The following NXPE4 variants were observed in gnomAD, a reference collection of about 807,000 sequenced individuals.
NXPE4 encodes NXPE family member 4.
In NXPE4, 42 loss-of-function variants were observed where a neutral mutation model predicts 33.3. The observed-to-expected ratio is 1.26, with a 90% CI of 0.98 to 1.63. The LOEUF (loss-of-function observed/expected upper bound fraction) is 1.63. NXPE4 is among the 40% of genes most tolerant of loss of function. The pLI is 0.00. For missense variants in NXPE4, 709 were observed against 647.6 expected (o/e 1.09, Z -1.03); for synonymous variants, 253 against 234.9 (o/e 1.08, Z -0.71).
At chr11:114,666,703 T>C in the NXPE4 span, among the ~76,000 whole-genome samples, 2 of 152,118 alleles carry the variant, frequency 1.3e-5, no homozygotes, top group African/African-American at 4.8e-5. Context: ...AAAGAGGTAT[T>C]AGGGTCTCAA....
At position 114,583,391 on chromosome 11, in the gene NXPE4, T is replaced by A. The variant is rs1459347961; in HGVS notation, c.97-370A>T. 2.5e-5 allele frequency: 16 copies of A among 627,896 alleles called. No homozygotes were observed. In the East Asian group the frequency reaches 6.1e-4, roughly 24 times the overall value. 38.9% of individuals were successfully genotyped at this position (627,896 alleles called of 1,614,324 possible). A position where few individuals can be genotyped will look rare whatever the true frequency, so the allele number is the denominator to read the frequency against. ...TCATAATTTGCTGCTCAACTATGGT[T>A]TCTACTGAAAAATGGAAACCCATCA... On this transcript the variant is annotated intron_variant, in intron 2 of 5. Coordinates refer to ENST00000375478, the MANE Select transcript of NXPE4 (RefSeq NM_001077639.2).
At chr11:114,632,726 A>T in the NXPE4 span, among the ~76,000 whole-genome samples, 1 of 59,084 alleles carries the variant, frequency 1.7e-5, no homozygotes, top group South Asian at 6.2e-4. Flanking sequence ...TATATATAAT[A>T]TATAATATAT....
At chr11:114,665,577 A>C in the NXPE4 span, among the ~76,000 whole-genome samples, 135 of 152,320 alleles carry the variant, frequency 8.9e-4, no homozygotes, top group East Asian at 0.01. Flanking sequence ...AAGCCCACGT[A>C]GTTAACATCA....
At chr11:114,619,920 A>C in the NXPE4 span, among the ~76,000 whole-genome samples, 1 of 147,862 alleles carries the variant, frequency 6.8e-6, no homozygotes, top group African/African-American at 2.5e-5. Context: ...GTGTTACCTC[A>C]TGGGTAACCA....
At chr11:114,618,125 A>G in the NXPE4 span, among the ~76,000 whole-genome samples, 3 of 151,712 alleles carry the variant, frequency 2.0e-5, no homozygotes, top group Non-Finnish European at 2.9e-5. Context: ...CTCGTGGGAA[A>G]CCAGTGTTAC....
At chr11:114,590,946 T>C (rs1949436742) in intron 2 of NXPE4, among the ~76,000 whole-genome samples, 1 of 152,180 alleles carries the variant, frequency 6.6e-6, no homozygotes, top group Non-Finnish European at 1.5e-5. Context: ...TGTTAAAAAC[T>C]TGTTCTTGCC....
the NXPE4 span, among the ~76,000 whole-genome samples, chr11:114,601,471 T>A: frequency 8.2e-6 from 1 of 121,704 alleles, no homozygotes; most frequent in African/African-American, 3.1e-5. Flanking sequence ...TAATATAAAA[T>A]TTATATAAAT....
chr11:114,632,497 T>C, the NXPE4 span, among the ~76,000 whole-genome samples: 6 of 125,736 alleles, frequency 4.8e-5, no homozygotes, highest in Non-Finnish European at 6.3e-5. Flanking sequence ...ATAATATATA[T>C]TATAGTATTT....
At chr11:114,629,055 A>T in the NXPE4 span, among the ~76,000 whole-genome samples, 1 of 152,138 alleles carries the variant, frequency 6.6e-6, no homozygotes, top group Non-Finnish European at 1.5e-5. Context: ...AAAAGAGTCC[A>T]GGACCAGATG....
At chr11:114,606,827 G>A in the NXPE4 span, among the ~76,000 whole-genome samples, 12 of 152,008 alleles carry the variant, frequency 7.9e-5, no homozygotes, top group East Asian at 7.8e-4. Flanking sequence ...TTACCCAGTC[G>A]ATAATAAGTG....
At chr11:114,619,867 A>T in the NXPE4 span, among the ~76,000 whole-genome samples, 1 of 150,980 alleles carries the variant, frequency 6.6e-6, no homozygotes, top group Non-Finnish European at 1.5e-5. Context: ...CTGGATAACA[A>T]GTGTTGCCTC....
chr11:114,632,730 AAT>A, the NXPE4 span, among the ~76,000 whole-genome samples: 2 of 47,450 alleles, frequency 4.2e-5, no homozygotes, highest in African/African-American at 1.7e-4. Context: ...TATAATATAT[AAT>A]ATATATAAAA....
intron 2 of NXPE4, among the ~76,000 whole-genome samples, chr11:114,588,375 T>G (rs1270042749): frequency 6.6e-6 from 1 of 152,156 alleles, no homozygotes; most frequent in Non-Finnish European, 1.5e-5. Flanking sequence ...ATGACCCTGA[T>G]AAGTATATAA....
At chr11:114,620,041 G>A in the NXPE4 span, among the ~76,000 whole-genome samples, 1 of 152,046 alleles carries the variant, frequency 6.6e-6, no homozygotes, top group African/African-American at 2.4e-5. Context: ...ACTCACTACT[G>A]CCTCGTGGGT....
the NXPE4 span, among the ~76,000 whole-genome samples, chr11:114,677,389 A>T: frequency 7.2e-5 from 11 of 152,088 alleles, no homozygotes; most frequent in Non-Finnish European, 1.6e-4. Context: ...ATACACTGTA[A>T]ACACATACAT....
the NXPE4 span, among the ~76,000 whole-genome samples, chr11:114,655,628 T>C: frequency 6.6e-6 from 1 of 152,216 alleles, no homozygotes; most frequent in African/African-American, 2.4e-5. Flanking sequence ...GAAGATCAGA[T>C]GGTTGTAGAT....
the NXPE4 span, among the ~76,000 whole-genome samples, chr11:114,673,643 T>G: frequency 2.6e-5 from 4 of 151,698 alleles, no homozygotes; most frequent in Non-Finnish European, 5.9e-5. Flanking sequence ...AAAAAATCCC[T>G]ATTGTGAAAG....
At chr11:114,663,343 A>G in the NXPE4 span, among the ~76,000 whole-genome samples, 3 of 152,094 alleles carry the variant, frequency 2.0e-5, no homozygotes, top group Admixed American at 6.6e-5. Context: ...TAGCCTGCCA[A>G]TGTCTGGATT....
chr11:114,632,575 CATATATTTATTGTATATTGATGT>C, the NXPE4 span, among the ~76,000 whole-genome samples: 1 of 104,360 alleles, frequency 9.6e-6, no homozygotes, highest in Non-Finnish European at 1.8e-5. Context: ...TTACATATAT[CATATATTTATTGTATATTGATGT>C]ATATATTTAT....
Sources: gnomAD v4.1 joint callset for allele counts (sites outside exome capture counted in the v4.1 genomes callset) on GRCh38, gnomAD v4.1.1 for gene constraint, MANE v1.5 for transcripts, NCBI Gene and HGNC (gene_info 2026-07-23, HGNC 2026-07-21) for gene names.